The following CD8B variants were observed in gnomAD, a reference collection of about 807,000 sequenced individuals.
The protein encoded by CD8B is T-cell surface glycoprotein CD8 beta chain.
CD8B carries 6 observed loss-of-function variants against 24.2 expected under a neutral mutation model. That is an observed-to-expected ratio of 0.25 (90% CI 0.14 to 0.49). CD8B has a LOEUF of 0.49. CD8B is among the 20% of genes least tolerant of loss of function. The pLI, the probability that CD8B is intolerant of heterozygous loss-of-function variation, is 0.98. For synonymous variants in CD8B, 84 were observed against 108.3 expected (o/e 0.78, Z 1.39); for missense variants, 196 against 271.3 (o/e 0.72, Z 1.95).
chr2:86,828,924 C>A (rs1222156503), intron 5 of CD8B, among the ~76,000 whole-genome samples: 1 of 137,272 alleles, frequency 7.3e-6, no homozygotes, highest in Non-Finnish European at 1.7e-5. Context: ...TACATACACA[C>A]TCTTTTTTTT....
chr2:86,861,360 A>T (rs1676578859), intron 1 of CD8B, among the ~76,000 whole-genome samples: 2 of 151,980 alleles, frequency 1.3e-5, no homozygotes, highest in Non-Finnish European at 2.9e-5. Context: ...GCCCTCCGAG[A>T]ACTGAGAACG....
exon 6 of CD8B, chr2:86,815,688 A>G: frequency 3.7e-6 from 6 of 1,612,476 alleles, no homozygotes; most frequent in Non-Finnish European, 5.1e-6. Flanking sequence ...ATTGGGGGAC[A>G]AAGGTTCCTG....
rs1675283878 is a variant in CD8B, at chr2:86,838,650, C to T, written c.*3657G>A. Among the ~76,000 whole-genome samples, 1 of 152,050 alleles carries T rather than the reference C, an allele frequency of 6.6e-6. No homozygotes were observed. Among genetic ancestry groups the T allele is most frequent in the Non-Finnish European group, 1.5e-5 (1 of 68,024 alleles). ...AATAGCTGGGACTACAGGCAAGCAC[C>T]ACCATGCCCAGAAAAAAATTTAAAA... On this transcript the variant is annotated 3_prime_UTR_variant, in exon 6 of 6. Coordinates refer to ENST00000390655, the MANE Select transcript of CD8B (RefSeq NM_004931.5).
intron 5 of CD8B, chr2:86,822,267 A>G (rs1674508986): frequency 2.0e-6 from 2 of 978,576 alleles, no homozygotes; most frequent in Admixed American, 4.5e-5. Flanking sequence ...TGTTTCAGGT[A>G]AGAGTCATGA....
rs116833125 is a variant in CD8B, at chr2:86,850,068, G to T, written c.493+2929C>A. On this transcript the variant is annotated intron_variant, in intron 3 of 5. Transcript: ENST00000390655. ...GTCACAGGGATGTACAGGGCGGCACGGCTCCTTCCTGAGGAGAGGTCATGG... is the reference window on the plus strand; with the variant it reads ...GTCACAGGGATGTACAGGGCGGCACTGCTCCTTCCTGAGGAGAGGTCATGG... Among the ~76,000 whole-genome samples, 654 of 152,156 alleles carry T rather than the reference G, an allele frequency of 4.3e-3. 7 individuals carry two copies. Among genetic ancestry groups the T allele is most frequent in the African/African-American group, 0.015 (603 of 41,502 alleles).
At chr2:86,834,139 GA>G, downstream of CD8B, among the ~76,000 whole-genome samples, 2 of 152,044 alleles carry the variant, frequency 1.3e-5, 1 homozygote, top group Middle Eastern at 6.8e-3. Flanking sequence ...CTTTCCCGGG[GA>G]CCCATTCCCA....
chr2:86,853,680 C>T (rs146569793), intron 2 of CD8B, among the ~76,000 whole-genome samples: 1,629 of 152,116 alleles, frequency 0.011, 37 homozygotes, highest in African/African-American at 0.038. Flanking sequence ...GCCTACACCT[C>T]TGATTTATTT....
chr2:86,816,171 C>T (rs1281997859), intron 5 of CD8B, among the ~76,000 whole-genome samples: 1 of 152,170 alleles, frequency 6.6e-6, no homozygotes, highest in Non-Finnish European at 1.5e-5. Flanking sequence ...TCAACAGCTG[C>T]AGGAGACTTC....
At chr2:86,833,247 T>A (rs946275857), downstream of CD8B, among the ~76,000 whole-genome samples, 3 of 148,206 alleles carry the variant, frequency 2.0e-5, no homozygotes, top group Admixed American at 6.9e-5. Context: ...CAGGCTGGAG[T>A]GCAGTGGTGT....
At chr2:86,816,920 T>G (rs955825906) in intron 5 of CD8B, among the ~76,000 whole-genome samples, 1 of 152,154 alleles carries the variant, frequency 6.6e-6, no homozygotes, top group African/African-American at 2.4e-5. Context: ...AGTCTCAAAT[T>G]AGTAGAAGAT....
At chr2:86,850,198 G>A (rs1247476402) in intron 3 of CD8B, among the ~76,000 whole-genome samples, 2 of 152,220 alleles carry the variant, frequency 1.3e-5, no homozygotes, top group East Asian at 1.9e-4. Flanking sequence ...TGCAAATAAC[G>A]TGCTTGGGTA....
At chr2:86,854,034 C>T (rs1374586562) in intron 2 of CD8B, among the ~76,000 whole-genome samples, 3 of 151,942 alleles carry the variant, frequency 2.0e-5, no homozygotes, top group Non-Finnish European at 2.9e-5. Flanking sequence ...AGCCACCGCA[C>T]CCGGCCGACC....
chr2:86,848,295 G>A (rs1003852309), intron 3 of CD8B, among the ~76,000 whole-genome samples: 1 of 152,190 alleles, frequency 6.6e-6, no homozygotes, highest in African/African-American at 2.4e-5. Flanking sequence ...GTTTTTGCCA[G>A]TCAAGTGGGG....
intron 5 of CD8B, among the ~76,000 whole-genome samples, chr2:86,818,140 T>C (rs1303444023): frequency 4.6e-5 from 7 of 151,920 alleles, no homozygotes; most frequent in African/African-American, 7.3e-5. Flanking sequence ...AACTGGGAGA[T>C]GGAGGTTGCT....
chr2:86,816,630 G>C (rs1221577081), intron 5 of CD8B, among the ~76,000 whole-genome samples: 1 of 152,196 alleles, frequency 6.6e-6, no homozygotes, highest in Non-Finnish European at 1.5e-5. Context: ...GTGGGTAAAG[G>C]ATTCGATCAT....
intron 5 of CD8B, among the ~76,000 whole-genome samples, chr2:86,816,230 A>G (rs1412817654): frequency 6.6e-6 from 1 of 152,204 alleles, no homozygotes; most frequent in Admixed American, 6.5e-5. Context: ...GTAGTAAGGT[A>G]GGGTGGCTAT....
intron 5 of CD8B, among the ~76,000 whole-genome samples, chr2:86,823,742 CAT>C (rs1426280839): frequency 3.9e-4 from 59 of 152,306 alleles, no homozygotes; most frequent in East Asian, 5.8e-4. Flanking sequence ...TCAAGAAGCA[CAT>C]GTGGTCTCTC....
intron 5 of CD8B, among the ~76,000 whole-genome samples, chr2:86,828,901 T>A (rs1674793455): frequency 6.6e-6 from 1 of 151,674 alleles, no homozygotes; most frequent in African/African-American, 2.4e-5. Flanking sequence ...TGTCATTATA[T>A]CTTCTCCATA....
At chr2:86,831,380 C>A (rs1323026208) in intron 5 of CD8B, among the ~76,000 whole-genome samples, 1 of 152,106 alleles carries the variant, frequency 6.6e-6, no homozygotes. Flanking sequence ...ATAATCTATT[C>A]TTTCCCCATG....
Sources: allele counts gnomAD v4.1 joint callset (sites outside exome capture counted in the v4.1 genomes callset), GRCh38; gene constraint gnomAD v4.1.1; transcripts MANE v1.5; gene names NCBI Gene and HGNC (gene_info 2026-07-23, HGNC 2026-07-21).